Variants in GRIN2A observed in about 807,000 individuals in gnomAD.
The protein encoded by GRIN2A is glutamate ionotropic receptor NMDA type subunit 2A.
GRIN2A carries 22 observed loss-of-function variants against 113.4 expected under a neutral mutation model. That is an observed-to-expected ratio of 0.19 (90% CI 0.14 to 0.28). The LOEUF is 0.28. Ranked by LOEUF, GRIN2A falls within the 10% of genes least tolerant of loss-of-function variation. The probability of loss-of-function intolerance (pLI) is 1.00; values close to 1 mark genes in which losing one functional copy is unlikely to be tolerated. For synonymous variants in GRIN2A, 827 were observed against 738.4 expected (o/e 1.12, Z -1.94); for missense variants, 1,502 against 1,887.0 (o/e 0.80, Z 3.78).
intron 3 of GRIN2A, among the ~76,000 whole-genome samples, chr16:9,898,054 C>CTTTTTTT (rs71402414): frequency 1.2e-4 from 13 of 109,694 alleles, no homozygotes; most frequent in East Asian, 5.3e-4. Context: ...CCTCCATTTC[C>CTTTTTTT]TTTTTTTTTT....
chr16:9,885,725 G>C (rs1243069362), intron 4 of GRIN2A, among the ~76,000 whole-genome samples: 1 of 91,320 alleles, frequency 1.1e-5, no homozygotes, highest in Non-Finnish European at 2.5e-5. Context: ...TGTAGTGCTG[G>C]GGGGGCAGCT....
intron 12 of GRIN2A, among the ~76,000 whole-genome samples, chr16:9,766,297 G>C (rs1381672064): frequency 1.3e-5 from 2 of 152,152 alleles, no homozygotes; most frequent in African/African-American, 4.8e-5. Flanking sequence ...CCCATGGTGG[G>C]GACAAGCTCA....
intron 2 of GRIN2A, among the ~76,000 whole-genome samples, chr16:10,137,328 G>A (rs948786180): frequency 6.6e-6 from 1 of 152,182 alleles, no homozygotes; most frequent in African/African-American, 2.4e-5. Flanking sequence ...GCTTAAATGA[G>A]GAGGCTGGAT....
At chr16:9,998,330 T>G (rs34960573) in intron 2 of GRIN2A, among the ~76,000 whole-genome samples, 4,006 of 152,244 alleles carry the variant, frequency 0.026, 78 homozygotes, top group Middle Eastern at 0.051. Context: ...ACATAAAATG[T>G]CCAGAATAGG....
intron 11 of GRIN2A, among the ~76,000 whole-genome samples, chr16:9,784,918 A>G (rs7191549): frequency 0.37 from 56,679 of 151,848 alleles, 11,432 homozygotes; most frequent in African/African-American, 0.54. Context: ...TTAGAATGGC[A>G]ATCATTAAAA....
At chr16:9,964,211 C>A (rs1327562533) in intron 2 of GRIN2A, among the ~76,000 whole-genome samples, 1 of 152,166 alleles carries the variant, frequency 6.6e-6, no homozygotes, top group Non-Finnish European at 1.5e-5. Flanking sequence ...GTCAAATATC[C>A]AAATGGAGTT....
At chr16:10,029,529 CAAG>C (rs2046890095) in intron 2 of GRIN2A, among the ~76,000 whole-genome samples, 1 of 152,046 alleles carries the variant, frequency 6.6e-6, no homozygotes, top group Admixed American at 6.6e-5. Context: ...AAAAAAAGAA[CAAG>C]AATGCTGTAT....
chr16:9,817,116 C>G (rs1454911628), intron 10 of GRIN2A, among the ~76,000 whole-genome samples: 1 of 152,150 alleles, frequency 6.6e-6, no homozygotes, highest in East Asian at 1.9e-4. Flanking sequence ...TGCCTTTCTT[C>G]AAAAAATTAG....
At chr16:9,952,771 T>C (rs2045213988) in intron 2 of GRIN2A, among the ~76,000 whole-genome samples, 1 of 151,386 alleles carries the variant, frequency 6.6e-6, no homozygotes, top group Non-Finnish European at 1.5e-5. Context: ...CTTATATCTG[T>C]GGGATTGGAT....
intron 11 of GRIN2A, among the ~76,000 whole-genome samples, chr16:9,773,723 A>C (rs991431001): frequency 2.0e-5 from 3 of 152,156 alleles, no homozygotes; most frequent in Non-Finnish European, 4.4e-5. Context: ...CTTTGCGCCC[A>C]TGGGAACTTG....
intron 2 of GRIN2A, among the ~76,000 whole-genome samples, chr16:10,074,276 G>A (rs142224258): frequency 3.3e-4 from 51 of 152,326 alleles, no homozygotes; most frequent in Non-Finnish European, 4.4e-4. Context: ...CACTGATTGT[G>A]AGAATGTAAA....
intron 2 of GRIN2A, among the ~76,000 whole-genome samples, chr16:9,990,079 C>G (rs1428110079): frequency 1.3e-5 from 2 of 152,170 alleles, no homozygotes; most frequent in Admixed American, 1.3e-4. Context: ...ATCCCCTGCA[C>G]TCATATGTTT....
At chr16:9,986,707 A>G (rs1426907295) in intron 2 of GRIN2A, among the ~76,000 whole-genome samples, 1 of 150,818 alleles carries the variant, frequency 6.6e-6, no homozygotes, top group African/African-American at 2.4e-5. Flanking sequence ...GGAGGTTGCA[A>G]TGAGCTGAGA....
intron 2 of GRIN2A, among the ~76,000 whole-genome samples, chr16:9,947,425 G>A (rs1346520609): frequency 2.6e-5 from 4 of 152,286 alleles, no homozygotes; most frequent in African/African-American, 4.8e-5. Context: ...TTTCGTCTCC[G>A]GCTATCATAC....
chr16:9,830,101 T>C (rs2042462287), intron 8 of GRIN2A, among the ~76,000 whole-genome samples: 1 of 152,230 alleles, frequency 6.6e-6, no homozygotes, highest in Admixed American at 6.5e-5. Context: ...TGTTTGGTAT[T>C]CTAATCCGAT....
intron 4 of GRIN2A, among the ~76,000 whole-genome samples, chr16:9,879,018 C>T (rs942748102): frequency 6.6e-6 from 1 of 152,136 alleles, no homozygotes; most frequent in African/African-American, 2.4e-5. Context: ...AAAATAGTCA[C>T]TATGCGTGAC....
intron 2 of GRIN2A, among the ~76,000 whole-genome samples, chr16:9,978,505 T>C (rs575201982): frequency 1.6e-4 from 25 of 152,180 alleles, no homozygotes; most frequent in African/African-American, 6.0e-4. Context: ...ATTCCTCTCC[T>C]TCCCCTTCCT....
intron 2 of GRIN2A, among the ~76,000 whole-genome samples, chr16:10,138,185 A>G (rs564466881): frequency 7.4e-4 from 113 of 152,374 alleles, no homozygotes; most frequent in African/African-American, 2.4e-3. Flanking sequence ...CCTAAATCAT[A>G]TAAGTGTGTG....
At chr16:9,794,915 TGATGAGAAGGAGAAG>T (rs1902873200) in intron 11 of GRIN2A, among the ~76,000 whole-genome samples, 1 of 62,344 alleles carries the variant, frequency 1.6e-5, no homozygotes, top group Non-Finnish European at 3.2e-5. Context: ...ACTATGGTGA[TGATGAGAAGGAGAAG>T]GATGAAGAGG....
Sources: gnomAD v4.1 joint callset for allele counts (sites outside exome capture counted in the v4.1 genomes callset) on GRCh38, gnomAD v4.1.1 for gene constraint, MANE v1.5 for transcripts, NCBI Gene and HGNC (gene_info 2026-07-23, HGNC 2026-07-21) for gene names.